The following AKAP19 variants were observed in gnomAD, a reference collection of about 807,000 sequenced individuals.
AKAP19 encodes the protein small A-kinase anchoring protein.
chr2:190,147,739 G>GTTT, the AKAP19 span, among the ~76,000 whole-genome samples: 11 of 148,856 alleles, frequency 7.4e-5, no homozygotes, highest in African/African-American at 2.5e-4. Context: ...TATTTCTAAG[G>GTTT]TTTTTTTTTT....
At chr2:189,936,993 G>C in the AKAP19 span, among the ~76,000 whole-genome samples, 1 of 151,988 alleles carries the variant, frequency 6.6e-6, no homozygotes, top group Non-Finnish European at 1.5e-5. Flanking sequence ...AATGTATGTG[G>C]GCATAATGGT....
chr2:189,955,394 A>T, the AKAP19 span, among the ~76,000 whole-genome samples: 1 of 152,110 alleles, frequency 6.6e-6, no homozygotes, highest in African/African-American at 2.4e-5. Context: ...TGATTCCACG[A>T]CTTTGCTATT....
the AKAP19 span, among the ~76,000 whole-genome samples, chr2:190,126,530 G>A: frequency 6.6e-6 from 1 of 151,796 alleles, no homozygotes; most frequent in Admixed American, 6.6e-5. Context: ...CGGTCTTAAA[G>A]AGCTTTACCT....
At chr2:190,033,950 A>T in the AKAP19 span, among the ~76,000 whole-genome samples, 138 of 152,290 alleles carry the variant, frequency 9.1e-4, no homozygotes, top group African/African-American at 3.2e-3. Context: ...CTACACACTT[A>T]GCAGTCATGT....
the AKAP19 span, among the ~76,000 whole-genome samples, chr2:189,898,035 C>T: frequency 1.3e-5 from 2 of 151,822 alleles, no homozygotes; most frequent in Non-Finnish European, 2.9e-5. Flanking sequence ...TTGTGAAAAC[C>T]CCATCTCTAC....
the AKAP19 span, chr2:190,202,636 G>A: frequency 1.2e-5 from 2 of 166,824 alleles, no homozygotes; most frequent in African/African-American, 4.8e-5. Flanking sequence ...GAGAGTAGAA[G>A]GACTGTCTGA....
At chr2:190,006,784 C>A in the AKAP19 span, among the ~76,000 whole-genome samples, 1 of 149,718 alleles carries the variant, frequency 6.7e-6, no homozygotes, top group East Asian at 2.0e-4. Flanking sequence ...TTTGGGAGGC[C>A]GAGGTAGGCA....
At chr2:190,077,503 A>G in the AKAP19 span, among the ~76,000 whole-genome samples, 4 of 152,100 alleles carry the variant, frequency 2.6e-5, no homozygotes, top group Non-Finnish European at 5.9e-5. Context: ...TTAAAATGTT[A>G]ATGTTGGTCA....
chr2:190,016,102 C>T, the AKAP19 span, among the ~76,000 whole-genome samples: 1 of 152,206 alleles, frequency 6.6e-6, no homozygotes, highest in Non-Finnish European at 1.5e-5. Flanking sequence ...CTGTTCCAAC[C>T]TCTGCGTGTT....
the AKAP19 span, among the ~76,000 whole-genome samples, chr2:189,977,101 A>G: frequency 6.6e-6 from 1 of 152,030 alleles, no homozygotes; most frequent in Non-Finnish European, 1.5e-5. Context: ...AGCTGTTCCT[A>G]TTTGGCCATC....
the AKAP19 span, among the ~76,000 whole-genome samples, chr2:189,932,399 C>T: frequency 8.2e-4 from 66 of 80,340 alleles, no homozygotes; most frequent in Non-Finnish European, 1.4e-3. Context: ...CTGAGCGAGA[C>T]TCCAACTCAA....
At chr2:189,928,485 T>G in the AKAP19 span, among the ~76,000 whole-genome samples, 2 of 152,126 alleles carry the variant, frequency 1.3e-5, no homozygotes, top group African/African-American at 4.8e-5. Context: ...TCACAGATAA[T>G]ATTTCACAAC....
the AKAP19 span, among the ~76,000 whole-genome samples, chr2:190,177,759 T>C: frequency 9.9e-5 from 15 of 152,196 alleles, no homozygotes; most frequent in Non-Finnish European, 1.3e-4. The surrounding 1 kb of genome is among the most constrained non-coding windows in gnomAD (Gnocchi z 4.6). Flanking sequence ...GCAAAGAGTA[T>C]GTGAGTGCCT....
the AKAP19 span, among the ~76,000 whole-genome samples, chr2:189,914,587 AATTAT>A: frequency 2.6e-5 from 4 of 152,094 alleles, no homozygotes; most frequent in Non-Finnish European, 5.9e-5. Context: ...AAGTTATTTC[AATTAT>A]AATAGCCCTT....
chr2:190,007,903 AGT>A, the AKAP19 span, among the ~76,000 whole-genome samples: 1 of 152,214 alleles, frequency 6.6e-6, no homozygotes, highest in East Asian at 1.9e-4. Flanking sequence ...CAGAGGTTGC[AGT>A]GAGCCGAGAT....
chr2:189,928,364 TA>T, the AKAP19 span, among the ~76,000 whole-genome samples: 1 of 152,116 alleles, frequency 6.6e-6, no homozygotes, highest in Non-Finnish European at 1.5e-5. Flanking sequence ...TTTTTTATTT[TA>T]AAAAAGTTCA....
At chr2:190,090,467 A>T in the AKAP19 span, among the ~76,000 whole-genome samples, 1 of 152,242 alleles carries the variant, frequency 6.6e-6, no homozygotes, top group Non-Finnish European at 1.5e-5. Context: ...CGCCAGGCAC[A>T]TTAGTGAGAT....
chr2:190,057,134 T>C, the AKAP19 span: 7 of 987,318 alleles, frequency 7.1e-6, no homozygotes, highest in African/African-American at 1.1e-4. Context: ...ATACTGTAGC[T>C]TATGCTTAAG....
chr2:189,982,745 T>C, the AKAP19 span, among the ~76,000 whole-genome samples: 1 of 152,106 alleles, frequency 6.6e-6, no homozygotes, highest in Non-Finnish European at 1.5e-5. Context: ...ATCATTCAGA[T>C]TCATTCCTTA....
Sources: allele counts gnomAD v4.1 joint callset (sites outside exome capture counted in the v4.1 genomes callset), GRCh38; gene constraint gnomAD v4.1.1; non-coding constraint Gnocchi (gnomAD v3.1); transcripts MANE v1.5; gene names NCBI Gene and HGNC (gene_info 2026-07-23, HGNC 2026-07-21).